SGCZ: variants seen among roughly 807,000 people sequenced by gnomAD.
SGCZ encodes zeta-sarcoglycan.
SGCZ carries 40 observed loss-of-function variants against 41.3 expected under a neutral mutation model. The ratio of observed to expected loss-of-function variants is 0.97; its 90% CI spans 0.75 to 1.26. SGCZ has a LOEUF of 1.26. Ranked by LOEUF, SGCZ falls within the 50% of genes most tolerant of loss-of-function variation. The pLI, the probability that SGCZ is intolerant of heterozygous loss-of-function variation, is 0.00. For missense variants in SGCZ, 552 were observed against 369.8 expected (o/e 1.49, Z -4.04); for synonymous variants, 206 against 137.5 (o/e 1.50, Z -3.49).
intron 5 of SGCZ, among the ~76,000 whole-genome samples, chr8:14,117,099 C>T (rs547891362): frequency 3.2e-4 from 48 of 151,994 alleles, no homozygotes; most frequent in African/African-American, 3.9e-4. Flanking sequence ...TAAAGATGGT[C>T]GTCCTATGAC....
At chr8:14,919,091 A>C (rs991288646) in intron 1 of SGCZ, among the ~76,000 whole-genome samples, 2 of 152,176 alleles carry the variant, frequency 1.3e-5, no homozygotes. Flanking sequence ...TTAGTTAATA[A>C]AATTATTGAT....
intron 1 of SGCZ, among the ~76,000 whole-genome samples, chr8:15,115,507 T>C (rs1438960077): frequency 1.3e-5 from 2 of 152,228 alleles, no homozygotes; most frequent in Admixed American, 1.3e-4. Flanking sequence ...CTTTATAAAT[T>C]GTTAATATGT....
chr8:15,189,342 T>C (rs928739326), intron 1 of SGCZ, among the ~76,000 whole-genome samples: 1 of 152,170 alleles, frequency 6.6e-6, no homozygotes, highest in African/African-American at 2.4e-5. Flanking sequence ...AAAGCAAACA[T>C]ACGTTTTCTC....
At chr8:14,304,801 A>C (rs1282997515) in intron 3 of SGCZ, among the ~76,000 whole-genome samples, 1 of 152,180 alleles carries the variant, frequency 6.6e-6, no homozygotes, top group Non-Finnish European at 1.5e-5. Flanking sequence ...ATGAAAACTG[A>C]AATCATTCAA....
At chr8:14,401,849 T>C (rs906616584) in intron 2 of SGCZ, among the ~76,000 whole-genome samples, 1 of 150,842 alleles carries the variant, frequency 6.6e-6, no homozygotes, top group Non-Finnish European at 1.5e-5. Context: ...TCTAGATCCC[T>C]GAGGAATCGC....
At chr8:14,700,671 G>T (rs534132922) in intron 1 of SGCZ, among the ~76,000 whole-genome samples, 1 of 151,964 alleles carries the variant, frequency 6.6e-6, no homozygotes, top group African/African-American at 2.4e-5. Flanking sequence ...TTAATAAAAT[G>T]ATTAATGTTT....
At chr8:15,016,987 A>G (rs1259129795) in intron 1 of SGCZ, among the ~76,000 whole-genome samples, 1 of 152,138 alleles carries the variant, frequency 6.6e-6, no homozygotes, top group East Asian at 1.9e-4. Context: ...GCCATTCCTG[A>G]AGGATCCACC....
chr8:14,785,385 G>C (rs1276213698), intron 1 of SGCZ, among the ~76,000 whole-genome samples: 1 of 152,000 alleles, frequency 6.6e-6, no homozygotes, highest in African/African-American at 2.4e-5. Flanking sequence ...AAGTTTGCAA[G>C]GAAACTCTGA....
intron 4 of SGCZ, among the ~76,000 whole-genome samples, chr8:14,174,023 T>C (rs1804468723): frequency 6.6e-6 from 1 of 151,804 alleles, no homozygotes; most frequent in African/African-American, 2.4e-5. Context: ...AAAAGCTACT[T>C]TGTAATGAGA....
chr8:14,385,856 A>G (rs1473623246), intron 2 of SGCZ, among the ~76,000 whole-genome samples: 1 of 152,184 alleles, frequency 6.6e-6, no homozygotes, highest in Non-Finnish European at 1.5e-5. Flanking sequence ...AGGATCCTCC[A>G]GAATATCAAA....
intron 1 of SGCZ, among the ~76,000 whole-genome samples, chr8:15,203,974 G>A (rs530327201): frequency 6.8e-4 from 104 of 152,182 alleles, no homozygotes; most frequent in African/African-American, 2.4e-3. Context: ...GTTTATGTAA[G>A]AAACAATAAA....
chr8:14,614,119 A>G (rs1364129201), intron 1 of SGCZ, among the ~76,000 whole-genome samples: 1 of 152,136 alleles, frequency 6.6e-6, no homozygotes, highest in Non-Finnish European at 1.5e-5. Flanking sequence ...ACATTACACT[A>G]AATTATGTCA....
chr8:14,439,019 C>A (rs2117361145), intron 2 of SGCZ, among the ~76,000 whole-genome samples: 1 of 152,056 alleles, frequency 6.6e-6, no homozygotes, highest in South Asian at 2.1e-4. Flanking sequence ...TTTCACGAAG[C>A]TTCCTCTGCA....
intron 1 of SGCZ, among the ~76,000 whole-genome samples, chr8:15,098,862 C>T (rs1806489724): frequency 6.6e-6 from 1 of 152,186 alleles, no homozygotes; most frequent in South Asian, 2.1e-4. Context: ...AGTTCAAGAC[C>T]AGCCCGGCCA....
intron 1 of SGCZ, among the ~76,000 whole-genome samples, chr8:14,735,730 C>T (rs549461091): frequency 6.6e-6 from 1 of 152,228 alleles, no homozygotes; most frequent in Non-Finnish European, 1.5e-5. Context: ...TACTTCCTCC[C>T]TCTGGAGAAT....
chr8:14,942,265 A>C (rs1019441216), intron 1 of SGCZ, among the ~76,000 whole-genome samples: 1 of 151,976 alleles, frequency 6.6e-6, no homozygotes. Flanking sequence ...TGAATAACAC[A>C]CTCCTTAAAA....
intron 2 of SGCZ, among the ~76,000 whole-genome samples, chr8:14,528,472 T>C (rs1370052407): frequency 6.6e-6 from 1 of 152,124 alleles, no homozygotes; most frequent in Admixed American, 6.6e-5. Context: ...TAGAGTTATA[T>C]GTACCAAATA....
chr8:14,291,514 T>C (rs1393370535), intron 3 of SGCZ, among the ~76,000 whole-genome samples: 2 of 152,024 alleles, frequency 1.3e-5, no homozygotes, highest in African/African-American at 4.8e-5. Context: ...TTGAACACTT[T>C]AGCTTTGAAG....
At position 14,802,571 on chromosome 8, in the gene SGCZ, A is replaced by G. The variant is rs528290115; in HGVS notation, c.40-247645T>C. On this transcript the variant is annotated intron_variant, in intron 1 of 7. Coordinates refer to ENST00000382080, the MANE Select transcript of SGCZ (RefSeq NM_139167.4). ...TTTGCTGCCGCCTTTTTTATGAATA[A>G]GATGGTCTGCATTTTACACACATAC... Among the ~76,000 whole-genome samples the G allele has an allele frequency of 3.0e-4, 45 of 152,326 alleles. 1 individual carries two copies. The South Asian group carries it at 8.9e-3, about 30-fold the overall frequency.
Sources: gnomAD v4.1 joint callset for allele counts (sites outside exome capture counted in the v4.1 genomes callset) on GRCh38, gnomAD v4.1.1 for gene constraint, MANE v1.5 for transcripts, NCBI Gene and HGNC (gene_info 2026-07-23, HGNC 2026-07-21) for gene names.